Variants in CSMD1 observed in about 807,000 individuals in gnomAD.
The protein encoded by CSMD1 is CUB and Sushi multiple domains 1.
Under a neutral mutation model 417.5 loss-of-function variants are expected in CSMD1, and 213 were observed. The observed-to-expected ratio is 0.51, with a 90% CI of 0.46 to 0.57. CSMD1 has a LOEUF of 0.57. CSMD1 is among the 20% of genes least tolerant of loss of function. The probability of loss-of-function intolerance (pLI) is 0.00; values close to 1 mark genes in which losing one functional copy is unlikely to be tolerated. For missense variants in CSMD1, 6,923 were observed against 4,529.7 expected (o/e 1.53, Z -15.17); for synonymous variants, 2,862 against 1,736.8 (o/e 1.65, Z -16.11).
intron 40 of CSMD1, among the ~76,000 whole-genome samples, chr8:3,149,444 C>G (rs1456063554): frequency 6.6e-6 from 1 of 152,056 alleles, no homozygotes; most frequent in African/African-American, 2.4e-5. Flanking sequence ...ACGTGCCAAA[C>G]CCTGCACTAA....
At chr8:4,420,576 G>T (rs1371431369) in intron 2 of CSMD1, among the ~76,000 whole-genome samples, 2 of 152,034 alleles carry the variant, frequency 1.3e-5, no homozygotes, top group African/African-American at 4.8e-5. Flanking sequence ...ATGTGAATGT[G>T]TGTATAAACA....
chr8:4,327,310 T>C (rs930269326), intron 3 of CSMD1, among the ~76,000 whole-genome samples: 2 of 152,178 alleles, frequency 1.3e-5, no homozygotes, highest in African/African-American at 4.8e-5. Flanking sequence ...CTCTTCCTTC[T>C]TTTCAAGAGC....
At chr8:4,146,377 G>A (rs1415606096) in intron 3 of CSMD1, among the ~76,000 whole-genome samples, 1 of 150,522 alleles carries the variant, frequency 6.6e-6, no homozygotes, top group Non-Finnish European at 1.5e-5. Context: ...GACTTGCAGA[G>A]CTGGCAATTC....
intron 5 of CSMD1, among the ~76,000 whole-genome samples, chr8:3,850,334 G>A (rs1272418766): frequency 1.4e-5 from 2 of 147,610 alleles, no homozygotes; most frequent in Admixed American, 6.8e-5. Context: ...TCTCACCCCT[G>A]ACTCTTTCTA....
At chr8:3,705,464 C>T (rs1382065349) in intron 7 of CSMD1, among the ~76,000 whole-genome samples, 2 of 152,190 alleles carry the variant, frequency 1.3e-5, no homozygotes, top group East Asian at 3.9e-4. Flanking sequence ...ACGGGGACAG[C>T]CTCACACTCT....
chr8:3,411,668 A>ACGTGTATATATATACGTATATATACACG (rs1812708263), intron 12 of CSMD1, among the ~76,000 whole-genome samples: 1 of 109,934 alleles, frequency 9.1e-6, no homozygotes, highest in Admixed American at 9.1e-5. Context: ...ATATATATAT[A>ACGTGTATATATATACGTATATATACACG]CGTGTATATA....
chr8:3,806,106 T>C (rs1424425708), intron 5 of CSMD1, among the ~76,000 whole-genome samples: 1 of 152,170 alleles, frequency 6.6e-6, no homozygotes, highest in East Asian at 1.9e-4. Context: ...ATATGCCTTT[T>C]AGTTGTAGTA....
intron 7 of CSMD1, among the ~76,000 whole-genome samples, chr8:3,689,110 G>C (rs892926340): frequency 5.3e-5 from 8 of 152,170 alleles, no homozygotes; most frequent in African/African-American, 1.9e-4. Context: ...AAAAATAACA[G>C]CAACCAAACA....
At chr8:3,350,339 A>G (rs1004755180) in intron 21 of CSMD1, among the ~76,000 whole-genome samples, 3 of 144,504 alleles carry the variant, frequency 2.1e-5, no homozygotes, top group Admixed American at 1.5e-4. Flanking sequence ...TGTGTGTGTT[A>G]TAATACCTAT....
At chr8:3,502,283 C>T (rs1461821494) in intron 10 of CSMD1, among the ~76,000 whole-genome samples, 10 of 147,776 alleles carry the variant, frequency 6.8e-5, no homozygotes, top group Admixed American at 7.0e-5. Context: ...GAGACTGACG[C>T]GAACCCAGGA....
At chr8:4,842,180 T>G (rs1406642188) in intron 1 of CSMD1, among the ~76,000 whole-genome samples, 2 of 152,104 alleles carry the variant, frequency 1.3e-5, no homozygotes, top group African/African-American at 2.4e-5. Flanking sequence ...CAGACACACA[T>G]GAAAAGAATT....
chr8:3,732,978 C>A (rs930891630), intron 6 of CSMD1, among the ~76,000 whole-genome samples: 2 of 152,036 alleles, frequency 1.3e-5, no homozygotes, highest in Admixed American at 6.6e-5. Context: ...TATCTACCAA[C>A]CTACCTACCT....
At chr8:4,415,325 T>C (rs1563149535) in intron 3 of CSMD1, among the ~76,000 whole-genome samples, 1 of 152,188 alleles carries the variant, frequency 6.6e-6, no homozygotes. Context: ...TTTTTCTCTA[T>C]GCTTCTGCAG....
chr8:4,403,780 C>A (rs1272165073), intron 3 of CSMD1, among the ~76,000 whole-genome samples: 1 of 152,140 alleles, frequency 6.6e-6, no homozygotes, highest in Admixed American at 6.5e-5. Context: ...CCATCTTGAT[C>A]CTCTCTCCTG....
At chr8:4,482,508 A>C (rs1165787068) in intron 2 of CSMD1, among the ~76,000 whole-genome samples, 1 of 152,166 alleles carries the variant, frequency 6.6e-6, no homozygotes, top group African/African-American at 2.4e-5. Flanking sequence ...ATGGGCATTT[A>C]GGTTGACTCC....
In CSMD1 at chr8:3,701,542, G is replaced by A. The variant is rs2623583; in HGVS notation, c.1009+6872C>T. On this transcript the variant is annotated intron_variant, in intron 7 of 69. Coordinates refer to ENST00000635120, the MANE Select transcript of CSMD1 (RefSeq NM_033225.6). Reference sequence around the variant, plus strand: ...TTTTTTTAGCATATTGGAATTTAACGATTAAGAGAAGATTACCCACTAGTG... The same window carrying A: ...TTTTTTTAGCATATTGGAATTTAACAATTAAGAGAAGATTACCCACTAGTG... 6.2e-4 allele frequency among the ~76,000 whole-genome samples: 94 copies of A among 151,468 alleles called. 1 individual carries two copies. Among genetic ancestry groups the A allele is most frequent in the African/African-American group, 2.1e-3 (87 of 41,292 alleles).
chr8:4,199,751 T>G (rs1023848188), intron 3 of CSMD1, among the ~76,000 whole-genome samples: 1 of 152,148 alleles, frequency 6.6e-6, no homozygotes, highest in African/African-American at 2.4e-5. Context: ...CTTAAAATAT[T>G]TTCAAAAACT....
At chr8:3,906,146 G>C (rs144494577) in intron 5 of CSMD1, among the ~76,000 whole-genome samples, 419 of 152,222 alleles carry the variant, frequency 2.8e-3, no homozygotes, top group African/African-American at 9.5e-3. Flanking sequence ...CAGTGTACCA[G>C]GTAAGCATCA....
At chr8:3,247,556 C>G (rs1241079879) in intron 26 of CSMD1, among the ~76,000 whole-genome samples, 5 of 152,316 alleles carry the variant, frequency 3.3e-5, no homozygotes, top group South Asian at 2.1e-4. Flanking sequence ...ATGCCAGGGT[C>G]TTGAATACGC....
Sources: allele counts gnomAD v4.1 joint callset (sites outside exome capture counted in the v4.1 genomes callset), GRCh38; gene constraint gnomAD v4.1.1; transcripts MANE v1.5; gene names NCBI Gene and HGNC (gene_info 2026-07-23, HGNC 2026-07-21).